The following BCL7A variants were observed in gnomAD, a reference collection of about 807,000 sequenced individuals.
The protein encoded by BCL7A is BAF chromatin remodeling complex subunit BCL7A, also known as B-cell CLL/lymphoma 7 protein family member A.
BCL7A carries 11 observed loss-of-function variants against 28.4 expected under a neutral mutation model. The ratio of observed to expected loss-of-function variants is 0.39; its 90% CI spans 0.24 to 0.64. The LOEUF (loss-of-function observed/expected upper bound fraction) is 0.64. BCL7A is among the 30% of genes least tolerant of loss of function. BCL7A has a pLI of 0.50. For synonymous variants in BCL7A, 123 were observed against 103.3 expected, an observed-to-expected ratio of 1.19 and a Z score of -1.15; for missense variants, 222 against 274.8, an observed-to-expected ratio of 0.81 and a Z score of 1.36.
chr12:122,023,706 C>T (rs143492473), intron 1 of BCL7A, among the ~76,000 whole-genome samples: 1 of 152,266 alleles, frequency 6.6e-6, no homozygotes, highest in East Asian at 1.9e-4. Context: ...ACACAGGGTG[C>T]CCGGTGCCCG....
chr12:122,024,472 T>G (rs956071080), intron 1 of BCL7A, among the ~76,000 whole-genome samples: 55 of 151,068 alleles, frequency 3.6e-4, no homozygotes, highest in East Asian at 7.8e-4. Context: ...GTTTTTTTTT[T>G]TTTTTGGCCC....
chr12:122,030,581 C>A (rs1883721611), intron 1 of BCL7A, 119 bp from the exon 2 acceptor site: 6 of 910,236 alleles, frequency 6.6e-6, no homozygotes, highest in South Asian at 1.5e-5. Context: ...GAGGGTGGAG[C>A]TGGGATTCCA....
intron 4 of BCL7A, among the ~76,000 whole-genome samples, chr12:122,044,970 G>A (rs1408040590): frequency 6.6e-6 from 1 of 152,154 alleles, no homozygotes; most frequent in South Asian, 2.1e-4. Context: ...GTTTTAAATG[G>A]GGTGGTCGGG....
At chr12:122,043,759 G>A in intron 3 of BCL7A, 127 bp from the exon 4 acceptor site, 2 of 927,134 alleles carry the variant, frequency 2.2e-6, no homozygotes, top group South Asian at 2.2e-5. Flanking sequence ...ACGGTAACCA[G>A]ACCCCTCCCC....
Position 122,059,465 on chromosome 12 carries a change from AT to A in BCL7A, c.*306del. 1 of 338,850 alleles carries A rather than the reference AT, an allele frequency of 3.0e-6. No individual in the cohort carries two copies. The highest frequency in any genetic ancestry group is 5.5e-6 in the Non-Finnish European group (1 of 181,644). 21.0% of individuals were successfully genotyped at this position (338,850 alleles called of 1,614,324 possible). On this transcript the variant is annotated 3_prime_UTR_variant, in exon 6 of 6. Coordinates refer to ENST00000261822, the MANE Select transcript of BCL7A (RefSeq NM_001024808.3). The surrounding 1 kb of genome is among the most constrained non-coding windows in gnomAD (Gnocchi z 4.0). Reference sequence around the variant, plus strand: ...AGGATTCCATTTGTGTTGCTGCTGTATTTTCCCCCCACTTCTCTATGTAACG... The same window carrying A: ...AGGATTCCATTTGTGTTGCTGCTGTATTTCCCCCCACTTCTCTATGTAACG...
rs1218972466 is a variant in BCL7A at position 122,035,420 on chromosome 12, C to T, written c.264C>T (p.Asp88=). ...ACAGTTCCTCCCCAGGGATGATGGA[C>T]ATGCATGGTGAGTGCCCATGGCCTG... ...PENSSSPGMM[D]MHDDNSNQSS... Residue 88 remains aspartate (D), a synonymous_variant, in exon 3 of 6, where the codon GAC becomes GAT. Coordinates refer to ENST00000261822, the MANE Select transcript of BCL7A (RefSeq NM_001024808.3). 1.2e-6 allele frequency: 2 copies of T among 1,613,950 alleles called. No homozygotes were observed. Among genetic ancestry groups the T allele is most frequent in the Admixed American group, 3.3e-5 (2 of 60,016 alleles).
chr12:122,029,378 G>A lies in BCL7A; in HGVS notation c.93-1322G>A, dbSNP rs549281476. Among the ~76,000 whole-genome samples, 17 of 152,260 alleles carry A rather than the reference G, an allele frequency of 1.1e-4. No individual in the cohort carries two copies. The highest frequency in any genetic ancestry group is 2.6e-4 in the Admixed American group (4 of 15,304). ...CCCGCAACCCCCGTGGTGACAGGGT[G>A]GGAGTCCTGTAACCTGTCACACCAG... On this transcript the variant is annotated intron_variant, in intron 1 of 5. Coordinates refer to ENST00000261822, the MANE Select transcript of BCL7A (RefSeq NM_001024808.3). This position sits in a 1 kb window ranked among gnomAD's most constrained non-coding sequence, Gnocchi z 4.3.
At chr12:122,025,301 C>T (rs1263873135) in intron 1 of BCL7A, among the ~76,000 whole-genome samples, 1 of 150,948 alleles carries the variant, frequency 6.6e-6, no homozygotes, top group African/African-American at 2.4e-5. Context: ...AGTTTGAGAC[C>T]AGCCTGGGTC....
intron 1 of BCL7A, among the ~76,000 whole-genome samples, chr12:122,023,303 G>C (rs536468652): frequency 6.6e-6 from 1 of 152,318 alleles, no homozygotes; most frequent in African/African-American, 2.4e-5. Flanking sequence ...CGCAACGCTG[G>C]CTCTGAGTGT....
intron 4 of BCL7A, among the ~76,000 whole-genome samples, chr12:122,046,669 A>G (rs970190175): frequency 2.0e-5 from 3 of 152,148 alleles, no homozygotes; most frequent in African/African-American, 7.2e-5. Flanking sequence ...TTTGAATGTG[A>G]TGTCAAAATT....
chr12:122,025,043 G>C (rs561942008), intron 1 of BCL7A, among the ~76,000 whole-genome samples: 2 of 151,282 alleles, frequency 1.3e-5, no homozygotes, highest in East Asian at 2.0e-4. Context: ...TGGTGTTTCA[G>C]CAAGGCAGGC....
chr12:122,023,576 G>A (rs940663001), intron 1 of BCL7A, among the ~76,000 whole-genome samples: 3 of 152,234 alleles, frequency 2.0e-5, no homozygotes, highest in Admixed American at 1.3e-4. Flanking sequence ...TGCGATGGCC[G>A]GATGCCCGGC....
chr12:122,053,577 G>A (rs1351742219), intron 4 of BCL7A, among the ~76,000 whole-genome samples: 1 of 152,128 alleles, frequency 6.6e-6, no homozygotes. Context: ...GTACCATGGT[G>A]TCCGGGCCTC....
intron 4 of BCL7A, among the ~76,000 whole-genome samples, chr12:122,054,109 G>C (rs953550561): frequency 1.1e-4 from 16 of 152,126 alleles, no homozygotes; most frequent in Non-Finnish European, 1.8e-4. Context: ...TTTTGAGACG[G>C]AGTTTCGCTC....
intron 1 of BCL7A, among the ~76,000 whole-genome samples, chr12:122,025,244 TC>T: frequency 6.6e-6 from 1 of 151,746 alleles, no homozygotes; most frequent in Admixed American, 6.6e-5. Context: ...ACGCCTGTAA[TC>T]CCAGAGCTTT....
Position 122,060,737 on chromosome 12 carries a change from TG to T in BCL7A, c.*1577del, listed in dbSNP as rs1951914558. On this transcript the variant is annotated 3_prime_UTR_variant, in exon 6 of 6. Transcript: ENST00000261822. ...GTGTGGCTCTTTCTCCTGACCATCA[TG>T]GGAAGTGTCTGCTGGATTCCATTTT... 1 of 232,606 alleles carries T rather than the reference TG, an allele frequency of 4.3e-6. No individual in the cohort carries two copies. The highest frequency in any genetic ancestry group is 8.5e-6 in the Non-Finnish European group (1 of 117,502). 14.4% of individuals were successfully genotyped at this position (232,606 alleles called of 1,614,324 possible).
chr12:122,056,640 C>A lies in BCL7A; in HGVS notation c.561+1714C>A, dbSNP rs369490808. On this transcript the variant is annotated intron_variant, in intron 5 of 5. Coordinates refer to ENST00000261822, the MANE Select transcript of BCL7A (RefSeq NM_001024808.3). ...ACATAGCAAGACCCCGTCTCTCCAA[C>A]AAAAAGAAAAAGAAAATTAGCCAGG... Among the ~76,000 whole-genome samples the A allele has an allele frequency of 6.6e-5, 10 of 151,976 alleles. No individual in the cohort carries two copies. In the East Asian group the frequency reaches 1.7e-3, roughly 27 times the overall value.
intron 1 of BCL7A, among the ~76,000 whole-genome samples, chr12:122,030,127 C>A (rs1181922428): frequency 6.6e-6 from 1 of 152,204 alleles, no homozygotes; most frequent in Non-Finnish European, 1.5e-5. Context: ...GGCTGTGTAA[C>A]CTCCTTTCGG....
intron 2 of BCL7A, among the ~76,000 whole-genome samples, chr12:122,031,489 T>A (rs7957207): frequency 1.3e-5 from 2 of 152,088 alleles, no homozygotes; most frequent in African/African-American, 4.8e-5. Flanking sequence ...GCCTCACATG[T>A]GGCATCTCCG....
Sources: gnomAD v4.1 joint callset for allele counts (sites outside exome capture counted in the v4.1 genomes callset) on GRCh38, gnomAD v4.1.1 for gene constraint, Gnocchi (gnomAD v3.1) non-coding constraint, MANE v1.5 for transcripts, NCBI Gene and HGNC (gene_info 2026-07-23, HGNC 2026-07-21) for gene names.